The following DHX35 variants were observed in gnomAD, a reference collection of about 807,000 sequenced individuals.
The protein encoded by DHX35 is probable ATP-dependent RNA helicase DHX35.
A neutral mutation model predicts 99.6 loss-of-function variants in DHX35; 84 were observed. The ratio of observed to expected loss-of-function variants is 0.84; its 90% CI spans 0.71 to 1.01. The LOEUF is 1.01. DHX35 is among the 50% of genes least tolerant of loss of function. DHX35 has a pLI of 0.00. For missense variants in DHX35, 852 were observed against 888.5 expected (o/e 0.96, Z 0.52); for synonymous variants, 331 against 316.2 (o/e 1.05, Z -0.50).
chr20:39,019,170 C>T (rs2086834664), intron 15 of DHX35, among the ~76,000 whole-genome samples: 1 of 152,126 alleles, frequency 6.6e-6, no homozygotes, highest in South Asian at 2.1e-4. Context: ...ACACAAATTC[C>T]TTATTCTCTC....
At chr20:38,998,545 T>C (rs981897213) in intron 8 of DHX35, among the ~76,000 whole-genome samples, 1 of 152,192 alleles carries the variant, frequency 6.6e-6, no homozygotes, top group Non-Finnish European at 1.5e-5. Context: ...GACTGTCCCC[T>C]GCCTTTTTAT....
chr20:39,033,483 G>A (rs1488374294), intron 20 of DHX35, among the ~76,000 whole-genome samples: 1 of 152,096 alleles, frequency 6.6e-6, no homozygotes, highest in South Asian at 2.1e-4. Context: ...TGCAGGGGGG[G>A]CCCTTCTTTT....
chr20:39,011,905 G>A (rs566243542), intron 13 of DHX35, among the ~76,000 whole-genome samples: 10 of 152,238 alleles, frequency 6.6e-5, no homozygotes, highest in Admixed American at 6.5e-4. Context: ...ATAAGTATAG[G>A]GAAAATGGAC....
chr20:39,026,542 C>G (rs2086960372), intron 18 of DHX35, among the ~76,000 whole-genome samples: 1 of 152,098 alleles, frequency 6.6e-6, no homozygotes, highest in Non-Finnish European at 1.5e-5. Context: ...GACGTGCTGG[C>G]AGATGTGGAA....
intron 4 of DHX35, among the ~76,000 whole-genome samples, chr20:38,985,817 C>T (rs2086240798): frequency 6.6e-6 from 1 of 152,290 alleles, no homozygotes; most frequent in East Asian, 1.9e-4. Context: ...GAGCAAAGAG[C>T]ATGTAATATA....
chr20:39,002,639 T>G, intron 9 of DHX35, 133 bp from the exon 10 acceptor site: 1 of 603,748 alleles, frequency 1.7e-6, no homozygotes, highest in Admixed American at 3.3e-5. Flanking sequence ...TTTATTTTGT[T>G]TATCCTGTAC....
At chr20:39,002,698 CAG>C (rs2086540829) in intron 9 of DHX35, 72 bp from the exon 10 acceptor site, 12 of 1,366,034 alleles carry the variant, frequency 8.8e-6, no homozygotes, top group Non-Finnish European at 1.2e-5. Flanking sequence ...GCTTTGCTGC[CAG>C]ATTATTAGGG....
intron 4 of DHX35, among the ~76,000 whole-genome samples, chr20:38,988,082 G>A (rs1484719333): frequency 2.6e-5 from 4 of 152,138 alleles, no homozygotes; most frequent in South Asian, 4.2e-4. Context: ...CTTTGTTTAG[G>A]AACAGGGTGA....
At chr20:39,028,239 T>C (rs2086988775) in intron 18 of DHX35, among the ~76,000 whole-genome samples, 179 bp from the exon 19 acceptor site, 1 of 152,070 alleles carries the variant, frequency 6.6e-6, no homozygotes, top group Non-Finnish European at 1.5e-5. Flanking sequence ...CCTCCTTAGA[T>C]GGTGCTGGGG....
intron 4 of DHX35, among the ~76,000 whole-genome samples, chr20:38,986,559 T>C (rs2086252181): frequency 6.6e-6 from 1 of 152,198 alleles, no homozygotes; most frequent in South Asian, 2.1e-4. Flanking sequence ...TATATATATT[T>C]ATGTATGCTC....
At chr20:38,994,726 AGACACT>A in intron 7 of DHX35, 89 bp from the exon 8 acceptor site, 1 of 1,014,022 alleles carries the variant, frequency 9.9e-7, no homozygotes, top group Non-Finnish European at 1.4e-6. Context: ...AGAAAAAAAA[AGACACT>A]GAATTTTTGA....
intron 21 of DHX35, among the ~76,000 whole-genome samples, chr20:39,035,857 A>G (rs754452449): frequency 2.6e-5 from 4 of 152,244 alleles, no homozygotes; most frequent in Non-Finnish European, 2.9e-5. Flanking sequence ...TTTTTATGTA[A>G]TCAAACAAAA....
chr20:39,020,863 A>G (rs1278307037), intron 15 of DHX35, among the ~76,000 whole-genome samples: 1 of 151,898 alleles, frequency 6.6e-6, no homozygotes. Flanking sequence ...GGGTTTCACT[A>G]TGTTGGCCAG....
At chr20:38,978,164 TC>T (rs2086112291) in intron 3 of DHX35, 1 of 986,128 alleles carries the variant, frequency 1.0e-6, no homozygotes, top group Non-Finnish European at 1.6e-6. Context: ...CTAAGGGAAA[TC>T]ATTGGCTGTA....
At chr20:39,024,540 A>G (rs1434526874) in intron 17 of DHX35, among the ~76,000 whole-genome samples, 3 of 152,244 alleles carry the variant, frequency 2.0e-5, no homozygotes, top group African/African-American at 4.8e-5. Context: ...GTTAAAATTC[A>G]TTTGTACAGG....
rs142375701 is a variant in DHX35, at chr20:38,980,631, T to C, written c.268-3068T>C. On this transcript the variant is annotated intron_variant, in intron 3 of 21. Transcript: ENST00000252011. ...AAACCCTACATTATCTTCAACCCTT[T>C]GTTTCTTACAGTCATTTTCTAAACT... is the stretch of plus-strand genomic sequence containing the variant. Among the ~76,000 whole-genome samples, 438 of 152,214 alleles carry C rather than the reference T, an allele frequency of 2.9e-3. 2 individuals carry two copies. Among genetic ancestry groups the C allele is most frequent in the African/African-American group, 0.01 (419 of 41,538 alleles).
chr20:39,004,470 C>T (rs761966273), intron 11 of DHX35, among the ~76,000 whole-genome samples: 3 of 152,180 alleles, frequency 2.0e-5, no homozygotes, highest in Non-Finnish European at 4.4e-5. Context: ...ATATTTCCCA[C>T]GACACATGCT....
intron 7 of DHX35, among the ~76,000 whole-genome samples, chr20:38,994,231 C>T (rs2086388157): frequency 6.6e-6 from 1 of 151,690 alleles, no homozygotes; most frequent in Non-Finnish European, 1.5e-5. Flanking sequence ...GAATCTTTGC[C>T]AACACTGAGT....
At chr20:39,033,203 T>TCTAG (rs1484294355) in intron 20 of DHX35, among the ~76,000 whole-genome samples, 2 of 152,164 alleles carry the variant, frequency 1.3e-5, no homozygotes, top group East Asian at 3.8e-4. Context: ...ACCACTGCAC[T>TCTAG]CTAGCCTGGG....
Sources: gnomAD v4.1 joint callset for allele counts (sites outside exome capture counted in the v4.1 genomes callset) on GRCh38, gnomAD v4.1.1 for gene constraint, MANE v1.5 for transcripts, NCBI Gene and HGNC (gene_info 2026-07-23, HGNC 2026-07-21) for gene names.